Variants in STK10 observed in about 807,000 individuals in gnomAD.
The protein encoded by STK10 is serine/threonine kinase 10, also known as serine/threonine-protein kinase 10.
STK10 carries 78 observed loss-of-function variants against 113.8 expected under a neutral mutation model. The ratio of observed to expected loss-of-function variants is 0.69; its 90% confidence interval spans 0.57 to 0.83. The LOEUF is 0.83. Ranked by LOEUF, STK10 falls within the 40% of genes least tolerant of loss-of-function variation. STK10 has a pLI of 0.00. For missense variants in STK10, 1,109 were observed against 1,280.1 expected (o/e 0.87, Z 2.04); for synonymous variants, 465 against 494.7 (o/e 0.94, Z 0.80).
intron 7 of STK10, among the ~76,000 whole-genome samples, chr5:172,101,081 C>T (rs1000190220): frequency 3.9e-5 from 6 of 152,280 alleles, no homozygotes; most frequent in Non-Finnish European, 8.8e-5. Flanking sequence ...TACTTCAGAG[C>T]GTTGGTATGA....
intron 1 of STK10, among the ~76,000 whole-genome samples, chr5:172,176,774 C>T (rs771912320): frequency 6.6e-6 from 1 of 152,194 alleles, no homozygotes; most frequent in African/African-American, 2.4e-5. Flanking sequence ...GTGTCTGTGT[C>T]CCTACAAAAT....
rs1010011082 is a variant in STK10, at chr5:172,061,982, C to CT, written c.2083-715dup. Among the ~76,000 whole-genome samples, 418 of 142,076 alleles carry CT rather than the reference C, an allele frequency of 2.9e-3. 3 individuals carry two copies. The highest frequency in any genetic ancestry group is 3.6e-3 in the Middle Eastern group (1 of 280). 93.2% of individuals were successfully genotyped at this position (142,076 alleles called of 152,430 possible). The stretch of plus-strand genomic sequence containing the variant: ...TATTCCCATGTTACTTTTCTTTTTT[C>CT]TTTTTTTTTTTTTGAGAGAGAGTCT... On this transcript the variant is annotated intron_variant, in intron 13 of 18. Coordinates refer to ENST00000176763, the MANE Select transcript of STK10 (RefSeq NM_005990.4).
chr5:172,161,477 G>A (rs890775517), intron 1 of STK10, among the ~76,000 whole-genome samples: 4 of 151,906 alleles, frequency 2.6e-5, no homozygotes, highest in African/African-American at 9.7e-5. Context: ...AAAAAATACT[G>A]AGGAGTGGTG....
chr5:172,114,323 T>TGTGTGTG (rs1769317517), intron 4 of STK10, among the ~76,000 whole-genome samples: 2 of 149,876 alleles, frequency 1.3e-5, no homozygotes, highest in African/African-American at 2.5e-5. Flanking sequence ...TGTATGTGTG[T>TGTGTGTG]TTTCTGATTA....
intron 18 of STK10, chr5:172,045,482 TCAAAAACAAAAA>T (rs764612883): frequency 5.4e-5 from 24 of 447,046 alleles, no homozygotes; most frequent in African/African-American, 8.2e-5. Flanking sequence ...AGACTCCATC[TCAAAAACAAAAA>T]CAAAAACAAA....
intron 1 of STK10, among the ~76,000 whole-genome samples, chr5:172,185,657 A>G (rs1276452121): frequency 6.6e-6 from 1 of 152,262 alleles, no homozygotes; most frequent in African/African-American, 2.4e-5. Flanking sequence ...ACAGGGGTCC[A>G]GCTGCCCTCA....
intron 18 of STK10, among the ~76,000 whole-genome samples, chr5:172,051,804 C>G (rs944000714): frequency 6.6e-6 from 1 of 152,046 alleles, no homozygotes; most frequent in Non-Finnish European, 1.5e-5. Context: ...CGTATCCATG[C>G]GAGTCAGCCA....
chr5:172,170,859 G>A (rs528863146), intron 1 of STK10, among the ~76,000 whole-genome samples: 8 of 152,336 alleles, frequency 5.3e-5, no homozygotes, highest in African/African-American at 1.4e-4. Flanking sequence ...ACCTTTCCCA[G>A]GCTCCTCGCT....
chr5:172,160,133 C>T (rs1385495884), intron 1 of STK10, among the ~76,000 whole-genome samples: 9 of 142,594 alleles, frequency 6.3e-5, no homozygotes, highest in Non-Finnish European at 1.1e-4. Context: ...GAGACTCTGT[C>T]TCAAAAAAAA....
intron 12 of STK10, among the ~76,000 whole-genome samples, chr5:172,071,038 T>G (rs998651478): frequency 7.3e-5 from 11 of 151,408 alleles, no homozygotes; most frequent in Non-Finnish European, 1.6e-4. Context: ...TGAGAGCCCA[T>G]GTCTACTAAA....
At chr5:172,117,445 C>A (rs766979330) in intron 4 of STK10, 36 bp downstream of exon 4, 37 of 1,605,512 alleles carry the variant, frequency 2.3e-5, no homozygotes, top group Admixed American at 1.3e-4. Flanking sequence ...AGGCAGACAC[C>A]CTGTGGCTCC....
Position 172,044,800 on chromosome 5 carries a change from G to A in STK10, c.*82C>T, listed in dbSNP as rs778009679. On this transcript the variant is annotated 3_prime_UTR_variant, in exon 19 of 19. Transcript: ENST00000176763. This position sits in a 1 kb window ranked among gnomAD's most constrained non-coding sequence, Gnocchi z 4.5. The stretch of plus-strand genomic sequence containing the variant: ...TGGCACAGACGCAAGAGGGAAAAGG[G>A]GTCCTGAGTTACATGTTCACAGAGA... 1.2e-4 allele frequency: 185 copies of A among 1,605,398 alleles called. No homozygotes were observed. The highest frequency in any genetic ancestry group is 2.0e-4 in the Middle Eastern group (1 of 5,016).
At chr5:172,127,014 A>G (rs1182701839) in intron 3 of STK10, among the ~76,000 whole-genome samples, 1 of 152,050 alleles carries the variant, frequency 6.6e-6, no homozygotes. Context: ...TAAAAATACA[A>G]AAACAAGCCG....
chr5:172,056,993 A>AAGAAAGAAAGAAAGAGAGAGAGAG (rs1561790200), intron 15 of STK10: 5 of 52,018 alleles, frequency 9.6e-5, no homozygotes, highest in African/African-American at 3.8e-4. Flanking sequence ...GAAAGAAAGA[A>AAGAAAGAAAGAAAGAGAGAGAGAG]AGAGAAAGAA....
chr5:172,115,692 TC>T (rs1266327049), intron 4 of STK10, among the ~76,000 whole-genome samples: 29 of 152,200 alleles, frequency 1.9e-4, no homozygotes, highest in Middle Eastern at 6.3e-3. Context: ...CCCCAGTTGT[TC>T]CTCTTATCGG....
rs1390069270 is a variant in STK10 at position 172,096,487 on chromosome 5, A to G, written c.944T>C (p.Met315Thr). 48 of 1,613,546 alleles carry G rather than the reference A, an allele frequency of 3.0e-5. No individual in the cohort carries two copies. Among genetic ancestry groups the G allele is most frequent in the Non-Finnish European group, 3.8e-5 (45 of 1,180,036 alleles). The change falls in exon 8 of 19, where the codon ATG becomes ACG. Residue 315 changes from methionine to threonine, a missense_variant. This residue lies in a region of STK10 where 885 missense variants were observed against 991.1 expected (regional missense o/e 0.89). Coordinates refer to ENST00000176763, the MANE Select transcript of STK10 (RefSeq NM_005990.4). ...ATCCCGGCCGTCTTCGATCTCTTCC[A>G]TCACCTCGGCCTTGGCCTCAGCCAC... ...ELVAEAKAEVMEEIEDGRDEG... is the reference protein window; with the variant it reads ...ELVAEAKAEVTEEIEDGRDEG...
chr5:172,141,452 G>C (rs1022166473), intron 2 of STK10, among the ~76,000 whole-genome samples: 1 of 151,784 alleles, frequency 6.6e-6, no homozygotes, highest in African/African-American at 2.4e-5. Context: ...ATAGTGGTGC[G>C]TGCCTGTGGT....
intron 2 of STK10, among the ~76,000 whole-genome samples, chr5:172,145,594 A>G (rs1409030354): frequency 6.6e-6 from 1 of 152,228 alleles, no homozygotes; most frequent in African/African-American, 2.4e-5. Flanking sequence ...TATGTCTCCA[A>G]AGAACCAAAG....
chr5:172,101,341 C>T (rs1000221258), intron 7 of STK10, among the ~76,000 whole-genome samples: 4 of 151,934 alleles, frequency 2.6e-5, no homozygotes, highest in African/African-American at 7.3e-5. Context: ...CGTGGTGGTG[C>T]ATGCCTGTAA....
Sources: gnomAD v4.1 joint callset for allele counts (sites outside exome capture counted in the v4.1 genomes callset) on GRCh38, gnomAD v4.1.1 for gene constraint, gnomAD v4.1.1 regional missense constraint, Gnocchi (gnomAD v3.1) non-coding constraint, MANE v1.5 for transcripts, NCBI Gene and HGNC (gene_info 2026-07-23, HGNC 2026-07-21) for gene names.